EREG: variants seen among roughly 807,000 people sequenced by gnomAD.
The protein encoded by EREG is proepiregulin.
Under a neutral mutation model 22.4 loss-of-function variants are expected in EREG, and 23 were observed. That is an observed-to-expected ratio of 1.03 (90% CI 0.74 to 1.46). The LOEUF is 1.46. Ranked by LOEUF, EREG falls within the 40% of genes most tolerant of loss-of-function variation. EREG has a pLI of 0.00. For missense variants in EREG, 226 were observed against 205.9 expected (o/e 1.10, Z -0.60); for synonymous variants, 100 against 75.4 (o/e 1.33, Z -1.69).
intron 1 of EREG, among the ~76,000 whole-genome samples, chr4:74,370,836 T>C (rs1752277541): frequency 6.6e-6 from 1 of 152,194 alleles, no homozygotes; most frequent in African/African-American, 2.4e-5. Context: ...TTGTTCTCTG[T>C]TTTCAGAGAT....
rs117257634 is a variant in EREG at position 74,365,451 on chromosome 4, C to T, written c.67+76C>T. On this transcript the variant is annotated intron_variant, in intron 1 of 4. Transcript: ENST00000244869. Reference sequence around the variant, plus strand: ...GGAAGGCTCCTGTGCATTTGTCATTCGACAAGTACGGAGTTGTCTCCAGGT... The same window carrying T: ...GGAAGGCTCCTGTGCATTTGTCATTTGACAAGTACGGAGTTGTCTCCAGGT... 1.2e-5 allele frequency: 16 copies of T among 1,323,796 alleles called. No homozygotes were observed. The East Asian group carries it at 4.0e-4, about 33-fold the overall frequency. The allele number at this position is 1,323,796 out of a possible 1,614,324, so 82.0% of individuals were successfully genotyped here. A position where few individuals can be genotyped will look rare whatever the true frequency, so the allele number is the denominator to read the frequency against.
rs775872702 is a variant in EREG, at chr4:74,384,713, G to A, written c.429-14G>A. On this transcript the variant is annotated splice_polypyrimidine_tract_variant and intron_variant, in intron 4 of 4. Coordinates refer to ENST00000244869, the MANE Select transcript of EREG (RefSeq NM_001432.3). ...AACTGCAGTGCTAACAGTTTCGTTTGTGAATATTTCCAGGTACAGAAATCG... is the reference window on the plus strand; with the variant it reads ...AACTGCAGTGCTAACAGTTTCGTTTATGAATATTTCCAGGTACAGAAATCG... 6.5e-7 allele frequency: 1 copy of A among 1,550,152 alleles called. No homozygotes were observed. Among genetic ancestry groups the A allele is most frequent in the Non-Finnish European group, 8.9e-7 (1 of 1,122,296 alleles).
chr4:74,381,521 C>A (rs1011484828), intron 3 of EREG: 1 of 153,504 alleles, frequency 6.5e-6, no homozygotes, highest in Non-Finnish European at 1.4e-5. Context: ...AGAAACTTTT[C>A]TGAGTTTTTA....
At chr4:74,375,980 A>G (rs1262233383) in intron 1 of EREG, among the ~76,000 whole-genome samples, 1 of 152,202 alleles carries the variant, frequency 6.6e-6, no homozygotes, top group Admixed American at 6.5e-5. Flanking sequence ...TGAGCGATGG[A>G]CTGTGTCCAA....
At chr4:74,371,716 C>A (rs1477508680) in intron 1 of EREG, among the ~76,000 whole-genome samples, 1 of 152,132 alleles carries the variant, frequency 6.6e-6, no homozygotes, top group Non-Finnish European at 1.5e-5. Flanking sequence ...TCCCAACAGC[C>A]TCAAAAATAT....
intron 1 of EREG, among the ~76,000 whole-genome samples, chr4:74,367,112 A>G (rs1191960615): frequency 6.6e-6 from 1 of 152,228 alleles, no homozygotes; most frequent in Non-Finnish European, 1.5e-5. Context: ...AAATTTTAGC[A>G]TACATGTTAT....
At chr4:74,383,598 T>C (rs938806148) in intron 4 of EREG, among the ~76,000 whole-genome samples, 2 of 152,166 alleles carry the variant, frequency 1.3e-5, no homozygotes, top group African/African-American at 4.8e-5. Flanking sequence ...TGTGAATTAA[T>C]TAATAACAGT....
At chr4:74,369,941 G>A (rs1752262400) in intron 1 of EREG, among the ~76,000 whole-genome samples, 1 of 151,822 alleles carries the variant, frequency 6.6e-6, no homozygotes, top group African/African-American at 2.4e-5. Context: ...TCATAAAAAT[G>A]GTTTCTTACA....
intron 1 of EREG, among the ~76,000 whole-genome samples, chr4:74,377,780 T>G (rs1752405653): frequency 6.6e-6 from 1 of 152,084 alleles, no homozygotes; most frequent in Admixed American, 6.6e-5. Context: ...TTCCAAACAC[T>G]TATAAAACCA....
At chr4:74,383,646 A>T (rs1468423080) in intron 4 of EREG, among the ~76,000 whole-genome samples, 1 of 152,194 alleles carries the variant, frequency 6.6e-6, no homozygotes, top group African/African-American at 2.4e-5. Flanking sequence ...ATTTTGAAAC[A>T]GTTACAAATT....
intron 1 of EREG, among the ~76,000 whole-genome samples, chr4:74,371,929 C>T (rs1752297506): frequency 6.6e-6 from 1 of 151,876 alleles, no homozygotes; most frequent in Non-Finnish European, 1.5e-5. Flanking sequence ...CCTTAGGTGT[C>T]CAACTTCTTT....
intron 2 of EREG, among the ~76,000 whole-genome samples, chr4:74,380,456 C>T (rs568995250): frequency 2.6e-5 from 4 of 152,224 alleles, no homozygotes; most frequent in African/African-American, 9.6e-5. Context: ...CAGGGTTTGT[C>T]TAGTTTGGAT....
At chr4:74,371,472 CTT>C (rs1752288884) in intron 1 of EREG, among the ~76,000 whole-genome samples, 1 of 152,196 alleles carries the variant, frequency 6.6e-6, no homozygotes, top group African/African-American at 2.4e-5. Context: ...ACTCTACTCT[CTT>C]AGCTCTCAGC....
chr4:74,380,372 C>A (rs1270266000), intron 2 of EREG, among the ~76,000 whole-genome samples: 1 of 151,990 alleles, frequency 6.6e-6, no homozygotes, highest in Non-Finnish European at 1.5e-5. Context: ...GTATCTAAAG[C>A]TTTCTAAAGT....
chr4:74,380,907 C>T (rs1448156720), intron 2 of EREG, 107 bp from the exon 3 acceptor site: 3 of 1,192,544 alleles, frequency 2.5e-6, no homozygotes, highest in South Asian at 1.5e-5. Flanking sequence ...GACAGATTGG[C>T]ATCTGACTTG....
chr4:74,365,176 A>G lies in EREG; in HGVS notation c.-133A>G. ...CTGATATTTCCAGTGTCAGAGGGACACAGCCAACGTGGGGTCCCTTCTAGG... is the reference window on the plus strand; with the variant it reads ...CTGATATTTCCAGTGTCAGAGGGACGCAGCCAACGTGGGGTCCCTTCTAGG... On this transcript the variant is annotated 5_prime_UTR_variant, in exon 1 of 5. Coordinates refer to ENST00000244869, the MANE Select transcript of EREG (RefSeq NM_001432.3). The G allele has an allele frequency of 4.4e-6, 3 of 678,260 alleles. No homozygotes were observed. Among genetic ancestry groups the G allele is most frequent in the Non-Finnish European group, 5.2e-6 (2 of 384,396 alleles). The allele number at this position is 678,260 out of a possible 1,614,324, so 42.0% of individuals were successfully genotyped here.
Position 74,382,634 on chromosome 4 carries a change from T to C in EREG, c.279-11T>C. On this transcript the variant is annotated splice_polypyrimidine_tract_variant and intron_variant, in intron 3 of 4. Transcript: ENST00000244869. The stretch of plus-strand genomic sequence containing the variant: ...GTAACTGATCTTTCTTTCTTCCGTA[T>C]TTTCCTTCAGGTGTGAAGTGGGTTA... The C allele has an allele frequency of 2.6e-6, 4 of 1,564,906 alleles. No individual in the cohort carries two copies. Among genetic ancestry groups the C allele is most frequent in the Non-Finnish European group, 3.5e-6 (4 of 1,158,656 alleles).
chr4:74,377,873 G>C (rs61597562), intron 1 of EREG, among the ~76,000 whole-genome samples: 11,703 of 152,126 alleles, frequency 0.077, 800 homozygotes, highest in African/African-American at 0.18. Flanking sequence ...CTCCCTCCTT[G>C]GACACATGGG....
At chr4:74,371,786 T>C (rs1205847267) in intron 1 of EREG, among the ~76,000 whole-genome samples, 6 of 151,986 alleles carry the variant, frequency 3.9e-5, no homozygotes, top group African/African-American at 1.4e-4. Flanking sequence ...CTTCATGCCT[T>C]CATGCCCAAA....
Sources: allele counts gnomAD v4.1 joint callset (sites outside exome capture counted in the v4.1 genomes callset), GRCh38; gene constraint gnomAD v4.1.1; transcripts MANE v1.5; gene names NCBI Gene and HGNC (gene_info 2026-07-23, HGNC 2026-07-21).